Variants in UST observed in about 807,000 individuals in gnomAD.
The protein encoded by UST is uronyl 2-sulfotransferase, also known as chondroitin sulfate 2-O-sulfotransferase.
A neutral mutation model predicts 45.6 loss-of-function variants in UST; 21 were observed. The observed-to-expected ratio is 0.46, with a 90% CI of 0.33 to 0.66. The LOEUF is 0.66. Ranked by LOEUF, UST falls within the 30% of genes least tolerant of loss-of-function variation. UST has a pLI of 0.02. For missense variants in UST, 463 were observed against 512.4 expected (o/e 0.90, Z 0.93); for synonymous variants, 215 against 200.6 (o/e 1.07, Z -0.61).
intron 4 of UST, among the ~76,000 whole-genome samples, chr6:148,959,202 A>C (rs1780594026): frequency 6.6e-6 from 1 of 152,258 alleles, no homozygotes. Flanking sequence ...TTTTGTGAAC[A>C]AACTCTGCCC....
chr6:148,800,531 G>T (rs1416610524), intron 1 of UST, among the ~76,000 whole-genome samples: 1 of 151,518 alleles, frequency 6.6e-6, no homozygotes, highest in Non-Finnish European at 1.5e-5. Flanking sequence ...GAGAGTTTGG[G>T]CTATCATCTG....
In UST at chr6:148,941,350, T is replaced by C. The variant is rs1296220833; in HGVS notation, c.363T>C (p.Leu121=). 1.9e-6 allele frequency: 3 copies of C among 1,612,882 alleles called. No homozygotes were observed. Among genetic ancestry groups the C allele is most frequent in the South Asian group, 2.2e-5 (2 of 90,702 alleles). The change falls in exon 3 of 8, where the codon CTT becomes CTC. Residue 121 remains leucine, a synonymous_variant. Transcript: ENST00000367463. ...GKCGSRTVVL[L]LRILSEKHGF... ...GTGGGAGCCGTACTGTGGTCTTGCT[T>C]CTGAGAATCTTGTCGGAGAAGCACG... is the stretch of plus-strand genomic sequence containing the variant.
At chr6:148,847,932 G>A (rs1046285826) in intron 1 of UST, among the ~76,000 whole-genome samples, 2 of 152,150 alleles carry the variant, frequency 1.3e-5, no homozygotes, top group Non-Finnish European at 2.9e-5. Flanking sequence ...ATCTCCCACT[G>A]GACAGAGCTT....
At chr6:148,783,843 G>T (rs1470852998) in intron 1 of UST, among the ~76,000 whole-genome samples, 1 of 152,060 alleles carries the variant, frequency 6.6e-6, no homozygotes, top group Non-Finnish European at 1.5e-5. Flanking sequence ...CTGTCCCCAG[G>T]GGGTTGGGGA....
At chr6:148,952,682 T>C (rs1187921951) in intron 3 of UST, among the ~76,000 whole-genome samples, 2 of 152,218 alleles carry the variant, frequency 1.3e-5, no homozygotes, top group Non-Finnish European at 2.9e-5. Flanking sequence ...ACTCTTATTT[T>C]ATTGTTCTTG....
At position 148,747,589 on chromosome 6, in the gene UST, C is replaced by T. The variant is rs2114635663; in HGVS notation, c.159C>T (p.Ala53=). The T allele has an allele frequency of 6.3e-7, 1 of 1,594,976 alleles. No individual in the cohort carries two copies. The highest frequency in any genetic ancestry group is 8.5e-7 in the Non-Finnish European group (1 of 1,172,264). ...FSLRDYGFCM[A]TLLVFCLGSL... ...TCCGGGACTACGGCTTCTGCATGGC[C>T]ACCCTGCTGGTCTTCTGCCTGGGCT... is the stretch of plus-strand genomic sequence containing the variant. The change falls in exon 1 of 8, where the codon GCC becomes GCT. Residue 53 remains alanine (A), a synonymous_variant. Coordinates refer to ENST00000367463, the MANE Select transcript of UST (RefSeq NM_005715.3).
intron 1 of UST, among the ~76,000 whole-genome samples, chr6:148,773,686 TACTTTTGTTTTAC>T (rs1776476542): frequency 6.6e-6 from 1 of 152,176 alleles, no homozygotes; most frequent in Admixed American, 6.5e-5. Context: ...AGGGCATCCA[TACTTTTGTTTTAC>T]ACTGAACAAA....
intron 1 of UST, among the ~76,000 whole-genome samples, chr6:148,877,353 T>G (rs1199930094): frequency 1.6e-5 from 1 of 61,432 alleles, no homozygotes; most frequent in Non-Finnish European, 2.9e-5. Context: ...CATGTATGAG[T>G]GCAGAGATCG....
intron 1 of UST, among the ~76,000 whole-genome samples, chr6:148,866,021 A>G (rs1293211860): frequency 2.0e-5 from 3 of 151,960 alleles, no homozygotes; most frequent in South Asian, 2.1e-4. Flanking sequence ...GTATATGTAT[A>G]TGTGTGTGTA....
intron 2 of UST, among the ~76,000 whole-genome samples, chr6:148,888,792 G>C: frequency 6.6e-6 from 1 of 152,176 alleles, no homozygotes; most frequent in Non-Finnish European, 1.5e-5. Context: ...GCAGGTGGTA[G>C]AAATACAAAT....
At position 148,809,344 on chromosome 6, in the gene UST, C is replaced by T. The variant is rs547850466; in HGVS notation, c.247+61667C>T. Among the ~76,000 whole-genome samples, 359 of 149,810 alleles carry T rather than the reference C, an allele frequency of 2.4e-3. 1 individual carries two copies. The highest frequency in any genetic ancestry group is 4.5e-3 in the Non-Finnish European group (301 of 67,504). ...TTGTTTTTTTTTTTTTTCTCACCTGCTTTTCTTGCTGCCACCTCTTTCTCC... is the reference window on the plus strand; with the variant it reads ...TTGTTTTTTTTTTTTTTCTCACCTGTTTTTCTTGCTGCCACCTCTTTCTCC... On this transcript the variant is annotated intron_variant, in intron 1 of 7. Transcript: ENST00000367463.
At chr6:148,807,403 A>C (rs1248283175) in intron 1 of UST, among the ~76,000 whole-genome samples, 1 of 152,214 alleles carries the variant, frequency 6.6e-6, no homozygotes, top group Non-Finnish European at 1.5e-5. Flanking sequence ...TTTCAATCCC[A>C]GTTCTCCATT....
At chr6:148,919,265 A>G (rs895272707) in intron 2 of UST, among the ~76,000 whole-genome samples, 5 of 152,140 alleles carry the variant, frequency 3.3e-5, no homozygotes, top group African/African-American at 7.2e-5. Context: ...GCGCCTTCCA[A>G]CATGGCTGCC....
chr6:149,074,013 T>C lies in UST; in HGVS notation c.1118T>C (p.Leu373Pro). ...GLKSHVSKPP[L>P]RPHFFIPTPL... ...AAGTCTCACGTCAGCAAGCCCCCCC[T>C]GAGGCCACACTTCTTTATCCCAACT... The change falls in exon 8 of 8, where the codon CTG becomes CCG. Residue 373 changes from leucine to proline, a missense_variant. By Grantham distance (98) the Leu-to-Pro change is moderately conservative. Around this residue, in one of 2 missense-constraint regions of UST, gnomAD observed 287 missense variants for 374.2 expected, o/e 0.77. Transcript: ENST00000367463. The C allele has an allele frequency of 6.2e-7, 1 of 1,614,146 alleles. No individual in the cohort carries two copies. Among genetic ancestry groups the C allele is most frequent in the East Asian group, 2.2e-5 (1 of 44,878 alleles).
intron 7 of UST, chr6:149,027,726 C>G (rs1422217063): frequency 6.6e-6 from 1 of 152,182 alleles, no homozygotes; most frequent in Non-Finnish European, 1.5e-5. Context: ...GTCCCAACTC[C>G]AACTCTCTGG....
At chr6:149,051,585 T>C (rs1776488212) in intron 7 of UST, among the ~76,000 whole-genome samples, 2 of 152,206 alleles carry the variant, frequency 1.3e-5, no homozygotes, top group South Asian at 4.1e-4. Context: ...CAAACCTGAA[T>C]TGGTTTTGCC....
chr6:148,863,693 T>C (rs1778364308), intron 1 of UST, among the ~76,000 whole-genome samples: 2 of 152,224 alleles, frequency 1.3e-5, no homozygotes, highest in African/African-American at 2.4e-5. Context: ...GGTGTGGATG[T>C]CCTTTCTGTT....
At chr6:148,973,332 T>C (rs1780956237) in intron 5 of UST, among the ~76,000 whole-genome samples, 1 of 152,370 alleles carries the variant, frequency 6.6e-6, no homozygotes, top group East Asian at 1.9e-4. Context: ...ATGAGCACTT[T>C]GATGAATAAA....
At chr6:148,832,875 A>C (rs1777715932) in intron 1 of UST, among the ~76,000 whole-genome samples, 1 of 152,246 alleles carries the variant, frequency 6.6e-6, no homozygotes, top group Non-Finnish European at 1.5e-5. Flanking sequence ...GCTTCTTAAA[A>C]TTAACAAGCA....
Sources: allele counts gnomAD v4.1 joint callset (sites outside exome capture counted in the v4.1 genomes callset), GRCh38; gene constraint gnomAD v4.1.1; regional missense constraint gnomAD v4.1.1; transcripts MANE v1.5; gene names NCBI Gene and HGNC (gene_info 2026-07-23, HGNC 2026-07-21).